The following IFT80 variants were observed in gnomAD, a reference collection of about 807,000 sequenced individuals.
IFT80 encodes intraflagellar transport protein 80 homolog.
In IFT80, 79 loss-of-function variants were observed where a neutral mutation model predicts 107.9. The observed-to-expected ratio is 0.73, with a 90% CI of 0.61 to 0.88. The LOEUF (loss-of-function observed/expected upper bound fraction) is 0.88, where lower values mean the gene tolerates loss of function less well. Among genes scored for constraint, IFT80 ranks in the 40% least tolerant of loss-of-function variants. The probability of loss-of-function intolerance (pLI) is 0.00; values close to 1 mark genes in which losing one functional copy is unlikely to be tolerated. For synonymous variants in IFT80, 299 were observed against 300.9 expected, an observed-to-expected ratio of 0.99 and a Z score of 0.07; for missense variants, 797 against 914.2, an observed-to-expected ratio of 0.87 and a Z score of 1.65.
At chr3:160,314,349 T>C (rs1717630684) in intron 9 of IFT80, among the ~76,000 whole-genome samples, 1 of 152,154 alleles carries the variant, frequency 6.6e-6, no homozygotes, top group Non-Finnish European at 1.5e-5. Context: ...CTTTCCCTCC[T>C]AGGCACTTCC....
chr3:160,258,386 A>T lies in IFT80; in HGVS notation c.*139T>A. On this transcript the variant is annotated 3_prime_UTR_variant, in exon 20 of 20. Coordinates refer to ENST00000326448, the MANE Select transcript of IFT80 (RefSeq NM_020800.3). ...CTTTGTGTTTCATCTTTCTGCATGT[A>T]CTTTTACACTAAATACACAGCAAGT... 1 of 998,994 alleles carries T rather than the reference A, an allele frequency of 1.0e-6. No individual in the cohort carries two copies. Among genetic ancestry groups the T allele is most frequent in the Non-Finnish European group, 1.5e-6 (1 of 674,770 alleles). 61.9% of individuals were successfully genotyped at this position (998,994 alleles called of 1,614,324 possible). A position where few individuals can be genotyped will look rare whatever the true frequency, so the allele number is the denominator to read the frequency against.
intron 12 of IFT80, among the ~76,000 whole-genome samples, chr3:160,294,517 A>G (rs924316219): frequency 1.3e-5 from 2 of 152,360 alleles, no homozygotes; most frequent in Admixed American, 6.5e-5. Flanking sequence ...CACCATGTCC[A>G]GCCAACTTTT....
At chr3:160,384,108 G>T in intron 2 of IFT80, 1 of 218,862 alleles carries the variant, frequency 4.6e-6, no homozygotes, top group Non-Finnish European at 7.7e-6. Flanking sequence ...AGCCGGGCAT[G>T]TTGGCGGGTG....
chr3:160,312,973 A>G (rs1478286213), intron 9 of IFT80, among the ~76,000 whole-genome samples: 1 of 67,100 alleles, frequency 1.5e-5, no homozygotes, highest in Non-Finnish European at 2.5e-5. Context: ...TATATAATAT[A>G]TAATATATAA....
intron 12 of IFT80, among the ~76,000 whole-genome samples, chr3:160,289,565 G>A (rs549502036): frequency 4.9e-4 from 74 of 152,148 alleles, no homozygotes; most frequent in Non-Finnish European, 9.4e-4. Flanking sequence ...ATCATAGCAG[G>A]GTGGAAGTCT....
At chr3:160,361,281 G>A (rs1216623209) in intron 6 of IFT80, among the ~76,000 whole-genome samples, 1 of 152,116 alleles carries the variant, frequency 6.6e-6, no homozygotes, top group East Asian at 1.9e-4. Context: ...GACAAAGAAG[G>A]CCATTACCTA....
chr3:160,359,464 A>G (rs1204587448), intron 6 of IFT80, among the ~76,000 whole-genome samples: 2 of 152,082 alleles, frequency 1.3e-5, no homozygotes, highest in Non-Finnish European at 2.9e-5. Context: ...TTTTCAACTG[A>G]GCTCTGAAGA....
intron 15 of IFT80, among the ~76,000 whole-genome samples, chr3:160,280,183 G>C (rs1714576846): frequency 6.6e-6 from 1 of 152,112 alleles, no homozygotes; most frequent in Non-Finnish European, 1.5e-5. Context: ...GAATATAAAT[G>C]GTTTGATTTT....
chr3:160,279,433 T>C lies in IFT80; in HGVS notation c.1665-69A>G, dbSNP rs909341353. 2.8e-4 allele frequency: 363 copies of C among 1,289,832 alleles called. 1 individual carries two copies. Among genetic ancestry groups the C allele is most frequent in the Non-Finnish European group, 4.0e-4 (356 of 899,800 alleles). The allele number at this position is 1,289,832 out of a possible 1,614,324, so 79.9% of individuals were successfully genotyped here. The stretch of plus-strand genomic sequence containing the variant: ...AGCAAAATTTTTCATGTATATTAAA[T>C]TTGGGGAGTGGACCGTGAAATACAC... On this transcript the variant is annotated intron_variant, in intron 15 of 19. Transcript: ENST00000326448.
intron 8 of IFT80, among the ~76,000 whole-genome samples, chr3:160,327,083 A>G (rs1004933049): frequency 6.6e-6 from 1 of 152,116 alleles, no homozygotes; most frequent in South Asian, 2.1e-4. Context: ...CAACTGTCAC[A>G]AAAAGAATAA....
chr3:160,290,582 T>C (rs542505515), intron 12 of IFT80, among the ~76,000 whole-genome samples: 2 of 152,084 alleles, frequency 1.3e-5, no homozygotes, highest in African/African-American at 2.4e-5. Context: ...TGTTTTTGTT[T>C]TGTTTTGTTT....
intron 12 of IFT80, among the ~76,000 whole-genome samples, chr3:160,287,407 A>T (rs1245456425): frequency 6.6e-6 from 1 of 152,144 alleles, no homozygotes; most frequent in Non-Finnish European, 1.5e-5. Flanking sequence ...GACTGCCCTT[A>T]AGCTTTGGTG....
chr3:160,261,886 G>A (rs1712870968), intron 19 of IFT80, among the ~76,000 whole-genome samples: 1 of 151,752 alleles, frequency 6.6e-6, no homozygotes, highest in Non-Finnish European at 1.5e-5. Flanking sequence ...ACATGCAGAA[G>A]TACACGGACG....
At chr3:160,377,052 T>C (rs1712080986) in intron 4 of IFT80, among the ~76,000 whole-genome samples, 1 of 152,210 alleles carries the variant, frequency 6.6e-6, no homozygotes, top group Non-Finnish European at 1.5e-5. Flanking sequence ...TCATTTGTTA[T>C]GAGCAATAGA....
intron 8 of IFT80, among the ~76,000 whole-genome samples, chr3:160,321,951 C>G (rs1256421388): frequency 6.6e-6 from 1 of 151,654 alleles, no homozygotes. Context: ...TTGCCCTGAG[C>G]ATGCTTGTTT....
At chr3:160,372,379 C>T (rs1398459822) in intron 5 of IFT80, among the ~76,000 whole-genome samples, 1 of 152,168 alleles carries the variant, frequency 6.6e-6, no homozygotes, top group Non-Finnish European at 1.5e-5. Flanking sequence ...TACAATCACC[C>T]TCAAAACTTG....
intron 11 of IFT80, 66 bp from the exon 12 acceptor site, chr3:160,301,112 C>A: frequency 7.3e-7 from 1 of 1,374,128 alleles, no homozygotes. Context: ...TTTCATATTA[C>A]AGAATAGTTT....
At chr3:160,342,479 G>A (rs1719983728) in intron 8 of IFT80, among the ~76,000 whole-genome samples, 2 of 152,078 alleles carry the variant, frequency 1.3e-5, no homozygotes. Context: ...TTTCCCAACA[G>A]GGAAATAAAT....
At chr3:160,268,804 C>A in intron 18 of IFT80, 1 of 404,490 alleles carries the variant, frequency 2.5e-6, no homozygotes, top group Non-Finnish European at 4.6e-6. Context: ...TATATATATA[C>A]TATTATTACA....
Sources: allele counts gnomAD v4.1 joint callset (sites outside exome capture counted in the v4.1 genomes callset), GRCh38; gene constraint gnomAD v4.1.1; transcripts MANE v1.5; gene names NCBI Gene and HGNC (gene_info 2026-07-23, HGNC 2026-07-21).